RAD17: variants seen among roughly 807,000 people sequenced by gnomAD.
The protein encoded by RAD17 is RAD17 checkpoint clamp loader component.
A neutral mutation model predicts 81.5 loss-of-function variants in RAD17; 31 were observed. That is an observed-to-expected ratio of 0.38 (90% CI 0.29 to 0.51). The LOEUF (loss-of-function observed/expected upper bound fraction) is 0.51, where lower values mean the gene tolerates loss of function less well. Among genes scored for constraint, RAD17 ranks in the 20% least tolerant of loss-of-function variants. RAD17 has a pLI of 0.88. For missense variants in RAD17, 681 were observed against 781.2 expected (o/e 0.87, Z 1.53); for synonymous variants, 261 against 266.2 (o/e 0.98, Z 0.19).
intron 5 of RAD17, among the ~76,000 whole-genome samples, chr5:69,374,363 G>C (rs1763208401): frequency 6.6e-6 from 1 of 152,076 alleles, no homozygotes; most frequent in South Asian, 2.1e-4. Context: ...CCTCTCTACT[G>C]TCTTCTCAAA....
chr5:69,412,088 C>T (rs562984708), intron 18 of RAD17, among the ~76,000 whole-genome samples: 1 of 152,246 alleles, frequency 6.6e-6, no homozygotes, highest in East Asian at 1.9e-4. Context: ...TGCCGAGTAG[C>T]TGGGACTACA....
chr5:69,393,265 A>T, intron 14 of RAD17, 25 bp downstream of exon 14: 1 of 1,577,328 alleles, frequency 6.3e-7, no homozygotes, highest in African/African-American at 1.4e-5. Flanking sequence ...GACACTTAGT[A>T]TAGGTTACAA....
intron 12 of RAD17, among the ~76,000 whole-genome samples, chr5:69,389,593 C>A (rs1229596616): frequency 6.6e-6 from 1 of 152,132 alleles, no homozygotes; most frequent in Non-Finnish European, 1.5e-5. Flanking sequence ...AAATGGCCAG[C>A]CATTAATCAG....
chr5:69,383,676 G>A (rs1170519579), intron 7 of RAD17, among the ~76,000 whole-genome samples: 1 of 152,010 alleles, frequency 6.6e-6, no homozygotes, highest in Non-Finnish European at 1.5e-5. Flanking sequence ...CACCACGCCC[G>A]GCCCATTATT....
chr5:69,412,025 C>T (rs552712332), intron 18 of RAD17, among the ~76,000 whole-genome samples: 1 of 152,152 alleles, frequency 6.6e-6, no homozygotes, highest in African/African-American at 2.4e-5. Flanking sequence ...AGCACGATCT[C>T]GGCTCACTGC....
intron 2 of RAD17, 56 bp downstream of exon 2, chr5:69,371,227 G>A (rs892621027): frequency 5.6e-6 from 3 of 535,216 alleles, no homozygotes; most frequent in Non-Finnish European, 1.0e-5. Context: ...ACATCATTGA[G>A]TTCATGTGAA....
intron 6 of RAD17, 141 bp downstream of exon 6, chr5:69,374,852 A>C (rs1005422232): frequency 1.5e-6 from 1 of 677,632 alleles, no homozygotes; most frequent in Non-Finnish European, 2.5e-6. Flanking sequence ...CTAGTGGGGC[A>C]TGGTGACTCA....
At chr5:69,406,803 A>C (rs1056882571) in intron 17 of RAD17, among the ~76,000 whole-genome samples, 1 of 151,846 alleles carries the variant, frequency 6.6e-6, no homozygotes, top group African/African-American at 2.4e-5. Flanking sequence ...TACCACACCG[A>C]ACCAATATAT....
At chr5:69,376,569 A>G (rs544724309) in intron 6 of RAD17, among the ~76,000 whole-genome samples, 7 of 152,336 alleles carry the variant, frequency 4.6e-5, no homozygotes, top group African/African-American at 1.7e-4. Context: ...CCCTGCCCCA[A>G]CACATGCATA....
At chr5:69,403,552 A>G (rs974817798) in intron 17 of RAD17, among the ~76,000 whole-genome samples, 5 of 152,222 alleles carry the variant, frequency 3.3e-5, no homozygotes, top group Admixed American at 6.5e-5. Context: ...GTAAGATAAA[A>G]CACTTCATTG....
In RAD17 at chr5:69,381,916, T is replaced by C. The variant is rs760995950; in HGVS notation, c.367T>C (p.Leu123=). Residue 123 remains leucine (L), a synonymous_variant, in exon 7 of 19, where the codon TTA becomes CTA. Transcript: ENST00000354868. ...TTGATTTTAGGGTGGATCTATTTTA[T>C]TAATAACAGGTCCTCCTGGATGTGG... The part of the protein sequence containing the change: ...RQPKQGGSIL[L]ITGPPGCGKT... 1.9e-6 allele frequency: 3 copies of C among 1,597,360 alleles called. No individual in the cohort carries two copies. The highest frequency in any genetic ancestry group is 1.7e-6 in the Non-Finnish European group (2 of 1,171,988).
chr5:69,403,611 A>G (rs946206853), intron 17 of RAD17, among the ~76,000 whole-genome samples: 4 of 152,196 alleles, frequency 2.6e-5, no homozygotes, highest in Admixed American at 2.0e-4. Flanking sequence ...ATCACTGATA[A>G]GGTCAACTCT....
chr5:69,413,825 G>T (rs1397279563), intron 18 of RAD17, among the ~76,000 whole-genome samples: 1 of 152,206 alleles, frequency 6.6e-6, no homozygotes. Context: ...ATGAGCCATC[G>T]TGTTCAGCTC....
chr5:69,382,550 A>G (rs1018574623), intron 7 of RAD17, among the ~76,000 whole-genome samples: 4 of 152,246 alleles, frequency 2.6e-5, no homozygotes, highest in Non-Finnish European at 5.9e-5. Flanking sequence ...TTTTGTTAAC[A>G]TATTCTTCTG....
intron 6 of RAD17, among the ~76,000 whole-genome samples, chr5:69,376,026 T>A (rs1406778288): frequency 6.6e-6 from 1 of 152,176 alleles, no homozygotes; most frequent in Non-Finnish European, 1.5e-5. Flanking sequence ...AATCAAGGGC[T>A]TGATTAGACT....
At chr5:69,394,826 C>A (rs955964587) in intron 15 of RAD17, among the ~76,000 whole-genome samples, 1 of 152,092 alleles carries the variant, frequency 6.6e-6, no homozygotes, top group African/African-American at 2.4e-5. Flanking sequence ...TTAAGGAGGC[C>A]GAGGCAGGTG....
At chr5:69,399,561 T>C (rs999959209) in intron 16 of RAD17, among the ~76,000 whole-genome samples, 3 of 152,222 alleles carry the variant, frequency 2.0e-5, no homozygotes, top group Non-Finnish European at 4.4e-5. Context: ...GCAATTTATA[T>C]CTCATTGACT....
intron 17 of RAD17, among the ~76,000 whole-genome samples, chr5:69,407,362 G>C (rs1177557): frequency 0.47 from 71,908 of 151,476 alleles, 17,208 homozygotes; most frequent in South Asian, 0.53. Flanking sequence ...AAGATGTTTT[G>C]GTTTTTCTTA....
At chr5:69,372,723 C>T (rs1763083350) in intron 4 of RAD17, among the ~76,000 whole-genome samples, 1 of 152,060 alleles carries the variant, frequency 6.6e-6, no homozygotes, top group Non-Finnish European at 1.5e-5. Context: ...GTGATTCTCC[C>T]ACCTTAGCCC....
Sources: gnomAD v4.1 joint callset for allele counts (sites outside exome capture counted in the v4.1 genomes callset) on GRCh38, gnomAD v4.1.1 for gene constraint, MANE v1.5 for transcripts, NCBI Gene and HGNC (gene_info 2026-07-23, HGNC 2026-07-21) for gene names.